The following PLD5 variants were observed in gnomAD, a reference collection of about 807,000 sequenced individuals.
The protein encoded by PLD5 is inactive phospholipase D5.
PLD5 carries 36 observed loss-of-function variants against 61.1 expected under a neutral mutation model. That is an observed-to-expected ratio of 0.59 (90% CI 0.45 to 0.78). PLD5 has a LOEUF of 0.78. PLD5 is among the 30% of genes least tolerant of loss of function. PLD5 has a pLI of 0.00. For missense variants in PLD5, 515 were observed against 644.4 expected (o/e 0.80, Z 2.17); for synonymous variants, 243 against 242.8 (o/e 1.00, Z -0.01).
rs549438223 is a variant in PLD5, at chr1:242,264,678, G to A, written c.607+659C>T. On this transcript the variant is annotated intron_variant, in intron 4 of 9. Coordinates refer to ENST00000536534, the MANE Select transcript of PLD5 (RefSeq NM_001372062.1). ...TGAACATTTTCACTGGCTCAAACAC[G>A]CCTTTTCCTTTTAGAGGCTTACAGT... Among the ~76,000 whole-genome samples the A allele has an allele frequency of 7.2e-5, 11 of 152,176 alleles. No homozygotes were observed. The East Asian group carries it at 1.9e-3, about 27-fold the overall frequency.
chr1:242,342,757 A>C (rs2149214544), intron 2 of PLD5, among the ~76,000 whole-genome samples: 1 of 152,286 alleles, frequency 6.6e-6, no homozygotes, highest in East Asian at 1.9e-4. Context: ...GAGACAAAAA[A>C]AAAAAGGTCA....
At chr1:242,512,213 CA>C (rs1216455291) in intron 1 of PLD5, among the ~76,000 whole-genome samples, 1 of 150,766 alleles carries the variant, frequency 6.6e-6, no homozygotes, top group Admixed American at 6.6e-5. Flanking sequence ...AGATCGAGAC[CA>C]TCCTGGCTAA....
At chr1:242,498,950 C>T (rs1358808154) in intron 1 of PLD5, among the ~76,000 whole-genome samples, 2 of 152,262 alleles carry the variant, frequency 1.3e-5, no homozygotes, top group South Asian at 2.1e-4. Flanking sequence ...ACAGAAAATA[C>T]TTCTGGGTTG....
At chr1:242,158,525 T>C (rs1386495660) in intron 5 of PLD5, among the ~76,000 whole-genome samples, 1 of 151,992 alleles carries the variant, frequency 6.6e-6, no homozygotes, top group Non-Finnish European at 1.5e-5. Flanking sequence ...GAGTGCATGG[T>C]TCCTCAGGCT....
At chr1:242,132,208 C>G (rs866327659) in intron 5 of PLD5, among the ~76,000 whole-genome samples, 1,664 of 19,120 alleles carry the variant, frequency 0.087, 3 homozygotes, top group Non-Finnish European at 0.14. Context: ...GGGGGGGGGG[C>G]GGAATCATTT....
Position 242,394,803 on chromosome 1 carries a change from T to TAC in PLD5, c.190-46562_190-46561insGT, listed in dbSNP as rs1663342873. Reference sequence around the variant, plus strand: ...GTGTATATATGTGAATATATATGTGTATATATGTGAATATATATACATATA... The same window carrying TAC: ...GTGTATATATGTGAATATATATGTGTACATATATGTGAATATATATACATATA... On this transcript the variant is annotated intron_variant, in intron 1 of 9. Transcript: ENST00000536534. 4.1e-4 allele frequency among the ~76,000 whole-genome samples: 30 copies of TAC among 73,028 alleles called. 6 individuals carry two copies. Among genetic ancestry groups the TAC allele is most frequent in the Non-Finnish European group, 7.0e-4 (27 of 38,586 alleles). The allele number at this position is 73,028 out of a possible 152,430, so 47.9% of individuals were successfully genotyped here. A position where few individuals can be genotyped will look rare whatever the true frequency, so the allele number is the denominator to read the frequency against.
At chr1:242,098,877 A>G (rs12122852) in intron 9 of PLD5, among the ~76,000 whole-genome samples, 33,010 of 152,076 alleles carry the variant, frequency 0.22, 3,744 homozygotes, top group South Asian at 0.29. Flanking sequence ...AACAGCAGAT[A>G]TTGGTGAACA....
At chr1:242,135,935 A>G (rs1663687467) in intron 5 of PLD5, among the ~76,000 whole-genome samples, 1 of 152,020 alleles carries the variant, frequency 6.6e-6, no homozygotes, top group South Asian at 2.1e-4. Flanking sequence ...AGACGAAGGA[A>G]TGAATTTAGC....
chr1:242,458,210 C>G (rs1256838252), intron 1 of PLD5, among the ~76,000 whole-genome samples: 1 of 152,212 alleles, frequency 6.6e-6, no homozygotes, highest in Non-Finnish European at 1.5e-5. Context: ...TGCATGTCCT[C>G]TCAACTTGTC....
At chr1:242,329,601 G>C (rs1659043233) in intron 2 of PLD5, among the ~76,000 whole-genome samples, 1 of 152,192 alleles carries the variant, frequency 6.6e-6, no homozygotes, top group Non-Finnish European at 1.5e-5. Flanking sequence ...AAAACTTTAA[G>C]AATCATTTAG....
intron 4 of PLD5, among the ~76,000 whole-genome samples, chr1:242,250,194 C>T (rs567267980): frequency 9.2e-5 from 14 of 152,328 alleles, no homozygotes; most frequent in African/African-American, 3.1e-4. Context: ...CAAGGCTCAA[C>T]CTGAAATCTG....
At chr1:242,495,618 A>C (rs74150732) in intron 1 of PLD5, among the ~76,000 whole-genome samples, 1 of 152,194 alleles carries the variant, frequency 6.6e-6, no homozygotes, top group African/African-American at 2.4e-5. Flanking sequence ...TTGGTGAACA[A>C]ATAAGTGGGT....
At chr1:242,373,837 T>G (rs1572003785) in intron 1 of PLD5, among the ~76,000 whole-genome samples, 1 of 151,732 alleles carries the variant, frequency 6.6e-6, no homozygotes, top group South Asian at 2.1e-4. Context: ...CATTAGGAGA[T>G]ATATATATAT....
the PLD5 span, among the ~76,000 whole-genome samples, chr1:242,529,785 T>C: frequency 7.6e-4 from 86 of 113,438 alleles, no homozygotes; most frequent in African/African-American, 3.3e-3. Context: ...GGATCTTCCT[T>C]CCTTCCTTCC....
chr1:242,419,408 CG>C (rs1665011781), intron 1 of PLD5, among the ~76,000 whole-genome samples: 2 of 100,590 alleles, frequency 2.0e-5, no homozygotes, highest in Admixed American at 2.2e-4. Flanking sequence ...TTTTTTTTGG[CG>C]GGGGGAGACA....
intron 4 of PLD5, among the ~76,000 whole-genome samples, chr1:242,241,324 AT>A (rs1190685672): frequency 4.6e-5 from 7 of 152,192 alleles, no homozygotes; most frequent in African/African-American, 1.7e-4. Context: ...CCTGCTGATT[AT>A]CTTTTCATGG....
chr1:242,353,625 T>C (rs1442232550), intron 1 of PLD5, among the ~76,000 whole-genome samples: 2 of 152,134 alleles, frequency 1.3e-5, no homozygotes, highest in Non-Finnish European at 2.9e-5. Context: ...GTGTAATTCT[T>C]ACAATATCTA....
intron 5 of PLD5, among the ~76,000 whole-genome samples, chr1:242,143,352 T>G (rs2148796223): frequency 6.6e-6 from 1 of 152,234 alleles, no homozygotes; most frequent in African/African-American, 2.4e-5. Flanking sequence ...TGCACCCTGC[T>G]AGAGCTGTGT....
intron 1 of PLD5, among the ~76,000 whole-genome samples, chr1:242,395,085 A>ATATGAATATATATG (rs1663484153): frequency 7.0e-6 from 1 of 143,512 alleles, no homozygotes; most frequent in South Asian, 2.1e-4. Context: ...ATATATGTAT[A>ATATGAATATATATG]TATATGAATA....
Sources: gnomAD v4.1 joint callset for allele counts (sites outside exome capture counted in the v4.1 genomes callset) on GRCh38, gnomAD v4.1.1 for gene constraint, MANE v1.5 for transcripts, NCBI Gene and HGNC (gene_info 2026-07-23, HGNC 2026-07-21) for gene names.